The following CASKIN2 variants were observed in gnomAD, a reference collection of about 807,000 sequenced individuals.
CASKIN2 encodes the protein caskin-2.
CASKIN2 carries 41 observed loss-of-function variants against 107.1 expected under a neutral mutation model. The observed-to-expected ratio is 0.38, with a 90% CI of 0.30 to 0.50. The LOEUF is 0.50. Ranked by LOEUF, CASKIN2 falls within the 20% of genes least tolerant of loss-of-function variation. The probability of loss-of-function intolerance (pLI) is 0.92; values close to 1 mark genes in which losing one functional copy is unlikely to be tolerated. For synonymous variants in CASKIN2, 724 were observed against 705.6 expected, an observed-to-expected ratio of 1.03 and a Z score of -0.41; for missense variants, 1,546 against 1,657.4, an observed-to-expected ratio of 0.93 and a Z score of 1.17.
At position 75,501,582 on chromosome 17, in the gene CASKIN2, C is replaced by G; in HGVS notation, c.3404G>C (p.Ser1135Thr). The change falls in exon 19 of 20, where the codon AGC becomes ACC. Residue 1135 changes from serine (S) to threonine (T), a missense_variant. Ser to Thr is a moderately conservative substitution (Grantham distance 58). This residue lies in a region of CASKIN2 where 1,311 missense variants were observed against 1,311.0 expected (regional missense o/e 1.00). Transcript: ENST00000321617. ...CTGGCCTGGGCCCACAGTCCCAGTG[C>G]TCTCAGGCCGTGGAGGAGGCACTGG... ...PRPVPPPRPE[S>T]TGTVGPGQAQ... 1.9e-6 allele frequency: 3 copies of G among 1,609,652 alleles called. No homozygotes were observed. Among genetic ancestry groups the G allele is most frequent in the Non-Finnish European group, 2.5e-6 (3 of 1,177,670 alleles).
Position 75,505,876 on chromosome 17 carries a change from T to C in CASKIN2, c.780A>G (p.Ile260Met), listed in dbSNP as rs772682049. 1 of 1,613,560 alleles carries C rather than the reference T, an allele frequency of 6.2e-7. No homozygotes were observed. Among genetic ancestry groups the C allele is most frequent in the Non-Finnish European group, 8.5e-7 (1 of 1,179,960 alleles). ...CCTGGGAGGTGGTGAACTGATTCAC[T>C]ATGTCCAGCGCCGTCTGGTTATACG... ...RNTYNQTALD[I>M]VNQFTTSQAS... The change falls in exon 9 of 20, where the codon ATA (isoleucine) becomes ATG (methionine). Residue 260 changes from isoleucine (I) to methionine (M), a missense_variant. Ile to Met is a conservative substitution (Grantham distance 10). Transcript: ENST00000321617. This position sits in a 1 kb window ranked among gnomAD's most constrained non-coding sequence, Gnocchi z 5.1.
rs776357381 is a variant in CASKIN2 at position 75,503,303 on chromosome 17, C to T, written c.1820-49G>A. 3.2e-6 allele frequency: 5 copies of T among 1,572,204 alleles called. No individual in the cohort carries two copies. The African/African-American group carries it at 6.8e-5, about 21-fold the overall frequency. ...AAGGTTAGCTGGGGCTGGGGTTGTC[C>T]TGGTCACCGCTGGGCCCCATACTGT... On this transcript the variant is annotated intron_variant, in intron 17 of 19. Transcript: ENST00000321617.
chr17:75,508,044 C>T (rs1346474254), intron 3 of CASKIN2, among the ~76,000 whole-genome samples, 190 bp downstream of exon 3: 3 of 152,150 alleles, frequency 2.0e-5, no homozygotes, highest in African/African-American at 7.2e-5. Flanking sequence ...GGGCTAACTC[C>T]ACGGGCGGGC....
rs2053166924 is a variant in CASKIN2 at position 75,500,730 on chromosome 17, G to C, written c.*350C>G. Reference sequence around the variant, plus strand: ...CTTGGCACAACTTGGGACATGGGCTGGGGGGTACAGAGAAAGCACCCCCAA... The same window carrying C: ...CTTGGCACAACTTGGGACATGGGCTCGGGGGTACAGAGAAAGCACCCCCAA... On this transcript the variant is annotated 3_prime_UTR_variant, in exon 20 of 20. Coordinates refer to ENST00000321617, the MANE Select transcript of CASKIN2 (RefSeq NM_020753.5). The C allele has an allele frequency of 3.3e-6, 1 of 301,208 alleles. No homozygotes were observed. Among genetic ancestry groups the C allele is most frequent in the Admixed American group, 4.8e-5 (1 of 20,856 alleles). The allele number at this position is 301,208 out of a possible 1,614,324, so 18.7% of individuals were successfully genotyped here. A position where few individuals can be genotyped will look rare whatever the true frequency, so the allele number is the denominator to read the frequency against.
Position 75,502,008 on chromosome 17 carries a change from C to G in CASKIN2, c.3066G>C (p.Leu1022=), listed in dbSNP as rs2053197719. 1 of 1,612,612 alleles carries G rather than the reference C, an allele frequency of 6.2e-7. No individual in the cohort carries two copies. The highest frequency in any genetic ancestry group is 2.2e-5 in the East Asian group (1 of 44,866). The part of the protein sequence containing the change: ...ASATPGPAAP[L]PSPTPGESPP... Reference sequence around the variant, plus strand: ...GAGACTCGCCAGGAGTTGGGGAAGGCAGTGGGGCAGCGGGGCCAGGCGTGG... The same window carrying G: ...GAGACTCGCCAGGAGTTGGGGAAGGGAGTGGGGCAGCGGGGCCAGGCGTGG... Residue 1022 remains leucine (L), a synonymous_variant, in exon 18 of 20, where the codon CTG becomes CTC. Transcript: ENST00000321617. This position sits in a 1 kb window ranked among gnomAD's most constrained non-coding sequence, Gnocchi z 4.3.
intron 2 of CASKIN2, 72 bp downstream of exon 2, chr17:75,513,639 A>ACCCCCCCC: frequency 6.0e-6 from 5 of 827,796 alleles, no homozygotes; most frequent in Admixed American, 1.8e-5. Flanking sequence ...ACAGTGACCC[A>ACCCCCCCC]CCCCCACCCA....
intron 2 of CASKIN2, among the ~76,000 whole-genome samples, chr17:75,510,085 C>A (rs1316490764): frequency 6.6e-6 from 1 of 152,146 alleles, no homozygotes; most frequent in South Asian, 2.1e-4. Context: ...CCGGGCCTGG[C>A]GCTGGGGGTG....
Position 75,504,201 on chromosome 17 carries a change from C to T in CASKIN2, c.1467+14G>A, listed in dbSNP as rs555417745. The stretch of plus-strand genomic sequence containing the variant: ...CCCCCCCGAGGCCCACGGTGCACCC[C>T]GTGGAGGTCACACCTTCCCCTCCAG... On this transcript the variant is annotated intron_variant, in intron 14 of 19. Coordinates refer to ENST00000321617, the MANE Select transcript of CASKIN2 (RefSeq NM_020753.5). The T allele has an allele frequency of 7.6e-6, 12 of 1,569,976 alleles. 1 individual carries two copies. Among genetic ancestry groups the T allele is most frequent in the Admixed American group, 1.8e-5 (1 of 54,444 alleles).
rs1277512657 is a variant in CASKIN2 at position 75,506,311 on chromosome 17, A to G, written c.720T>C (p.Leu240=). The G allele has an allele frequency of 6.2e-7, 1 of 1,611,032 alleles. No homozygotes were observed. Among genetic ancestry groups the G allele is most frequent in the Non-Finnish European group, 8.5e-7 (1 of 1,179,524 alleles). Reference sequence around the variant, plus strand: ...AGCAGGGGCCCATACCCACCTCCAGAAGCAGCCGCACCACCTCGGTCTTGC... The same window carrying G: ...AGCAGGGGCCCATACCCACCTCCAGGAGCAGCCGCACCACCTCGGTCTTGC... ...LYGKTEVVRL[L]LEGGVDVNIR... Residue 240 remains leucine (L), a synonymous_variant, in exon 8 of 20, where the codon CTT becomes CTC. Coordinates refer to ENST00000321617, the MANE Select transcript of CASKIN2 (RefSeq NM_020753.5). This position sits in a 1 kb window ranked among gnomAD's most constrained non-coding sequence, Gnocchi z 4.8.
Position 75,504,566 on chromosome 17 carries a change from T to A in CASKIN2, c.1314+6A>T. On this transcript the variant is annotated splice_donor_region_variant and intron_variant, in intron 12 of 19. Coordinates refer to ENST00000321617, the MANE Select transcript of CASKIN2 (RefSeq NM_020753.5). The stretch of plus-strand genomic sequence containing the variant: ...CCTGACCTGGTCCGTGACCCCATCA[T>A]CCTACCTGGGCGTTCTCAATCAGGA... 4.4e-6 allele frequency: 7 copies of A among 1,595,732 alleles called. No individual in the cohort carries two copies. The highest frequency in any genetic ancestry group is 6.0e-6 in the Non-Finnish European group (7 of 1,166,970).
chr17:75,510,212 G>A (rs2053305093), intron 2 of CASKIN2, among the ~76,000 whole-genome samples: 1 of 152,170 alleles, frequency 6.6e-6, no homozygotes. Context: ...GGAGTGGTGC[G>A]GCGAGGGGCG....
intron 2 of CASKIN2, chr17:75,509,639 G>A (rs912558213): frequency 6.0e-5 from 59 of 985,326 alleles, no homozygotes; most frequent in African/African-American, 7.0e-5. Flanking sequence ...ACCATTTGAG[G>A]CAGTAGAAAG....
chr17:75,504,022 C>A, intron 14 of CASKIN2, 60 bp from the exon 15 acceptor site: 1 of 1,475,740 alleles, frequency 6.8e-7, no homozygotes, highest in Non-Finnish European at 9.3e-7. Flanking sequence ...CTAGCCCCCA[C>A]CAGGGGCTCA....
At chr17:75,507,773 G>GGCAGGGAT in intron 3 of CASKIN2, 92 bp from the exon 4 acceptor site, 1 of 958,676 alleles carries the variant, frequency 1.0e-6, no homozygotes, top group African/African-American at 1.6e-5. Context: ...CCTGGGGGCT[G>GGCAGGGAT]GCAGGGATGG....
chr17:75,501,411 T>G, intron 19 of CASKIN2, 57 bp downstream of exon 19: 2 of 1,528,770 alleles, frequency 1.3e-6, no homozygotes, highest in South Asian at 2.4e-5. Context: ...GGGCAGAGGA[T>G]GCAGGGAGCA....
chr17:75,512,542 A>G (rs2053323429), intron 2 of CASKIN2, among the ~76,000 whole-genome samples: 1 of 152,124 alleles, frequency 6.6e-6, no homozygotes, highest in African/African-American at 2.4e-5. Context: ...CACACATGTC[A>G]GGGGAAGAGA....
intron 2 of CASKIN2, among the ~76,000 whole-genome samples, chr17:75,510,377 C>T (rs1167122377): frequency 2.6e-5 from 4 of 152,206 alleles, no homozygotes; most frequent in African/African-American, 7.2e-5. Context: ...AGCTATAAAG[C>T]GCCAGCTAAA....
chr17:75,502,193 T>C lies in CASKIN2; in HGVS notation c.2881A>G (p.Lys961Glu). The C allele has an allele frequency of 6.3e-7, 1 of 1,598,576 alleles. No homozygotes were observed. The change falls in exon 18 of 20, where the codon AAA (lysine) becomes GAA (glutamate). Residue 961 changes from lysine to glutamate, a missense_variant. Lys to Glu is a moderately conservative substitution (Grantham distance 56, BLOSUM62 1). Transcript: ENST00000321617. The surrounding 1 kb of genome is among the most constrained non-coding windows in gnomAD (Gnocchi z 4.3). ...GGGCCAGCGGGCTTCGGGCGCTGTT[T>C]GATGGTCAGGTTCCCTTCCTCTGCA... ...PFAEEGNLTI[K>E]QRPKPAGPPP...
Position 75,513,884 on chromosome 17 carries a change from C to A in CASKIN2, c.-80G>T. The A allele has an allele frequency of 2.3e-6, 3 of 1,327,816 alleles. No homozygotes were observed. The highest frequency in any genetic ancestry group is 1.2e-5 in the South Asian group (1 of 82,858). 82.3% of individuals were successfully genotyped at this position (1,327,816 alleles called of 1,614,324 possible). On this transcript the variant is annotated 5_prime_UTR_variant, in exon 2 of 20. Coordinates refer to ENST00000321617, the MANE Select transcript of CASKIN2 (RefSeq NM_020753.5). The stretch of plus-strand genomic sequence containing the variant: ...GGGTCCAAGCTGGGGCGTCAGGGCG[C>A]CATGCCACAGCCCCTTGGAGGGCTC...
Sources: allele counts gnomAD v4.1 joint callset (sites outside exome capture counted in the v4.1 genomes callset), GRCh38; gene constraint gnomAD v4.1.1; regional missense constraint gnomAD v4.1.1; non-coding constraint Gnocchi (gnomAD v3.1); transcripts MANE v1.5; gene names NCBI Gene and HGNC (gene_info 2026-07-23, HGNC 2026-07-21).